Variants in LATS1 observed in about 807,000 individuals in gnomAD.
The protein encoded by LATS1 is large tumor suppressor kinase 1.
Under a neutral mutation model 106.6 loss-of-function variants are expected in LATS1, and 25 were observed. The ratio of observed to expected loss-of-function variants is 0.23; its 90% CI spans 0.17 to 0.33. The LOEUF is 0.33. Ranked by LOEUF, LATS1 falls within the 10% of genes least tolerant of loss-of-function variation. The pLI, the probability that LATS1 is intolerant of heterozygous loss-of-function variation, is 1.00. For missense variants in LATS1, 1,040 were observed against 1,382.6 expected (o/e 0.75, Z 3.93); for synonymous variants, 465 against 455.6 (o/e 1.02, Z -0.26).
chr6:149,688,896 G>A (rs1214103045), intron 3 of LATS1, among the ~76,000 whole-genome samples: 2 of 152,082 alleles, frequency 1.3e-5, no homozygotes, highest in African/African-American at 4.8e-5. Flanking sequence ...GGCCAGGCGC[G>A]GTGGCTCAAG....
At chr6:149,691,355 T>C (rs953808505) in intron 3 of LATS1, among the ~76,000 whole-genome samples, 6 of 152,178 alleles carry the variant, frequency 3.9e-5, no homozygotes, top group African/African-American at 1.4e-4. Flanking sequence ...TGCCAGTAAC[T>C]AATCTTGGAC....
chr6:149,699,058 C>CA (rs11290034), intron 2 of LATS1, among the ~76,000 whole-genome samples: 109 of 141,652 alleles, frequency 7.7e-4, no homozygotes, highest in Non-Finnish European at 9.4e-4. Context: ...AACACATTCT[C>CA]AAAAAAAAAA....
At chr6:149,690,424 G>A (rs1782676059) in intron 3 of LATS1, among the ~76,000 whole-genome samples, 1 of 151,848 alleles carries the variant, frequency 6.6e-6, no homozygotes. Flanking sequence ...TGTTGGTCAG[G>A]CTGGTCTCGA....
At chr6:149,682,604 C>T (rs1296967035) in intron 4 of LATS1, among the ~76,000 whole-genome samples, 4 of 151,730 alleles carry the variant, frequency 2.6e-5, no homozygotes, top group Non-Finnish European at 4.4e-5. Flanking sequence ...TTAGTAGAGA[C>T]GGGGTTTCAC....
intron 5 of LATS1, among the ~76,000 whole-genome samples, chr6:149,679,234 A>G (rs940328941): frequency 5.9e-5 from 9 of 152,112 alleles, no homozygotes; most frequent in African/African-American, 2.2e-4. Flanking sequence ...GTTGGATATG[A>G]GGATTCATTA....
chr6:149,715,995 C>T (rs1784365510), intron 1 of LATS1, among the ~76,000 whole-genome samples: 2 of 152,028 alleles, frequency 1.3e-5, no homozygotes, highest in South Asian at 4.1e-4. Context: ...ACTTTAATCT[C>T]ATGGTTAAAG....
At chr6:149,707,823 CTG>C (rs1163266238) in intron 1 of LATS1, among the ~76,000 whole-genome samples, 1 of 152,044 alleles carries the variant, frequency 6.6e-6, no homozygotes, top group Non-Finnish European at 1.5e-5. Flanking sequence ...TTGTTGAAAA[CTG>C]TTGTAGCTGA....
chr6:149,703,950 T>C (rs1783606892), intron 1 of LATS1, among the ~76,000 whole-genome samples: 1 of 152,198 alleles, frequency 6.6e-6, no homozygotes, highest in South Asian at 2.1e-4. Context: ...TGGAGGATTG[T>C]TCAAGTAATT....
At chr6:149,698,640 G>A (rs1205495522) in intron 2 of LATS1, among the ~76,000 whole-genome samples, 3 of 144,674 alleles carry the variant, frequency 2.1e-5, no homozygotes, top group African/African-American at 7.7e-5. Flanking sequence ...AACCTCCGCC[G>A]CCCAGGTTCA....
chr6:149,713,020 T>A (rs1463698448), intron 1 of LATS1, among the ~76,000 whole-genome samples: 7 of 151,912 alleles, frequency 4.6e-5, no homozygotes, highest in African/African-American at 1.7e-4. Context: ...ATAAATAAAT[T>A]GAGTATATCT....
At chr6:149,668,979 C>G (rs545214281) in intron 7 of LATS1, among the ~76,000 whole-genome samples, 1 of 151,928 alleles carries the variant, frequency 6.6e-6, no homozygotes, top group African/African-American at 2.4e-5. Flanking sequence ...CACCAGCATG[C>G]TAGGCTAATT....
At chr6:149,685,187 G>A (rs762552296) in intron 3 of LATS1, among the ~76,000 whole-genome samples, 19 of 151,974 alleles carry the variant, frequency 1.3e-4, no homozygotes, top group Non-Finnish European at 2.6e-4. Flanking sequence ...GCAGTGAACT[G>A]AGATCGTGCC....
At chr6:149,713,088 T>C (rs1368259449) in intron 1 of LATS1, among the ~76,000 whole-genome samples, 1 of 152,088 alleles carries the variant, frequency 6.6e-6, no homozygotes, top group African/African-American at 2.4e-5. Context: ...GAGAAAGATG[T>C]GTACCTTCCA....
At chr6:149,702,450 C>T (rs914130376) in intron 1 of LATS1, 184 bp from the exon 2 acceptor site, 2 of 217,032 alleles carry the variant, frequency 9.2e-6, no homozygotes, top group Non-Finnish European at 1.8e-5. Context: ...AGCCTATAAC[C>T]TAGATTTACC....
Position 149,659,912 on chromosome 6 carries a change from C to T in LATS1, c.*1817G>A. The T allele has an allele frequency of 4.4e-6, 1 of 229,550 alleles. No homozygotes were observed. The highest frequency in any genetic ancestry group is 8.6e-6 in the Non-Finnish European group (1 of 115,856). 14.2% of individuals were successfully genotyped at this position (229,550 alleles called of 1,614,324 possible). On this transcript the variant is annotated 3_prime_UTR_variant, in exon 8 of 8. Transcript: ENST00000543571. ...GTCCCCTCCAAATGATATATTAAAACAACTTAATGTACCAGCAAGAGAGGC... is the reference window on the plus strand; with the variant it reads ...GTCCCCTCCAAATGATATATTAAAATAACTTAATGTACCAGCAAGAGAGGC...
intron 5 of LATS1, among the ~76,000 whole-genome samples, chr6:149,678,423 A>C (rs546947165): frequency 6.6e-6 from 1 of 152,182 alleles, no homozygotes; most frequent in Non-Finnish European, 1.5e-5. Context: ...AAAGATGGGA[A>C]TAGAGCCTAG....
chr6:149,679,198 C>T (rs954535038), intron 5 of LATS1, among the ~76,000 whole-genome samples: 1 of 151,998 alleles, frequency 6.6e-6, no homozygotes, highest in African/African-American at 2.4e-5. Context: ...TTCTAAAGTA[C>T]TGATAATCTA....
rs1181551899 is a variant in LATS1, at chr6:149,682,962, GATAAT to G, written c.2010+112_2010+116del. 9.1e-6 allele frequency: 7 copies of G among 770,560 alleles called. No homozygotes were observed. The African/African-American group carries it at 1.1e-4, about 12-fold the overall frequency. 47.7% of individuals were successfully genotyped at this position (770,560 alleles called of 1,614,324 possible). Reference sequence around the variant, plus strand: ...TTATTCACTTTTAAATTCCATAACTGATAATATATTTTATTTAGCTATAAAAAGAA... The same window carrying G: ...TTATTCACTTTTAAATTCCATAACTGATATTTTATTTAGCTATAAAAAGAA... On this transcript the variant is annotated intron_variant, in intron 4 of 7. Coordinates refer to ENST00000543571, the MANE Select transcript of LATS1 (RefSeq NM_004690.4).
At chr6:149,685,584 C>T (rs888610872) in intron 3 of LATS1, among the ~76,000 whole-genome samples, 1 of 152,084 alleles carries the variant, frequency 6.6e-6, no homozygotes. Flanking sequence ...CGGGGTTTCG[C>T]CATGTTAGCG....
Sources: allele counts gnomAD v4.1 joint callset (sites outside exome capture counted in the v4.1 genomes callset), GRCh38; gene constraint gnomAD v4.1.1; transcripts MANE v1.5; gene names NCBI Gene and HGNC (gene_info 2026-07-23, HGNC 2026-07-21).